Variants in ME2 observed in about 807,000 individuals in gnomAD.
ME2 encodes NAD-dependent malic enzyme, mitochondrial.
Under a neutral mutation model 73.7 loss-of-function variants are expected in ME2, and 60 were observed. That is an observed-to-expected ratio of 0.81 (90% CI 0.66 to 1.01). The LOEUF is 1.01. Ranked by LOEUF, ME2 falls within the 50% of genes least tolerant of loss-of-function variation. The probability of loss-of-function intolerance (pLI) is 0.00; values close to 1 mark genes in which losing one functional copy is unlikely to be tolerated. For missense variants in ME2, 594 were observed against 705.5 expected (o/e 0.84, Z 1.79); for synonymous variants, 199 against 236.9 (o/e 0.84, Z 1.47).
chr18:50,936,930 C>CA (rs1258281207), intron 13 of ME2, among the ~76,000 whole-genome samples: 5 of 150,154 alleles, frequency 3.3e-5, no homozygotes, highest in Non-Finnish European at 5.9e-5. Context: ...GACCCTGTCT[C>CA]AAAAAAAAAT....
At chr18:50,900,361 C>T (rs949919227) in intron 2 of ME2, among the ~76,000 whole-genome samples, 1 of 151,718 alleles carries the variant, frequency 6.6e-6, no homozygotes. Flanking sequence ...GTGGCGTGAT[C>T]TCGGCTCACT....
intron 2 of ME2, among the ~76,000 whole-genome samples, chr18:50,904,898 G>A (rs1301191195): frequency 6.6e-6 from 1 of 151,842 alleles, no homozygotes; most frequent in East Asian, 1.9e-4. Context: ...ATTATCTCTT[G>A]AAATATTATT....
rs1417780201 is a variant in ME2, at chr18:50,953,701, T to C, written c.*6517T>C. The C allele has an allele frequency of 2.0e-5, 3 of 152,202 alleles. No individual in the cohort carries two copies. Among genetic ancestry groups the C allele is most frequent in the Non-Finnish European group, 4.4e-5 (3 of 68,034 alleles). 9.4% of individuals were successfully genotyped at this position (152,202 alleles called of 1,614,324 possible). Reference sequence around the variant, plus strand: ...ATCCACCTGTCAATTTGCAATTCAATTATAAGGTATATTTTAAGTGATATC... The same window carrying C: ...ATCCACCTGTCAATTTGCAATTCAACTATAAGGTATATTTTAAGTGATATC... On this transcript the variant is annotated 3_prime_UTR_variant, in exon 16 of 16. Transcript: ENST00000321341.
chr18:50,931,825 C>A (rs1038368980), intron 12 of ME2, among the ~76,000 whole-genome samples: 2 of 151,990 alleles, frequency 1.3e-5, no homozygotes, highest in African/African-American at 4.8e-5. Context: ...CAGGCATGGG[C>A]CAACACACCC....
chr18:50,912,935 T>A lies in ME2; in HGVS notation c.377T>A (p.Ile126Asn). ...CTTGCCTGCTCCCAGTATGGACACA[T>A]CTTTAGAAGACCTAAGTAAGGCTTG... ...VGLACSQYGH[I>N]FRRPKGLFIS... The change falls in exon 4 of 16, where the codon ATC becomes AAC. Residue 126 changes from isoleucine (I) to asparagine (N), a missense_variant. Coordinates refer to ENST00000321341, the MANE Select transcript of ME2 (RefSeq NM_002396.5). The A allele has an allele frequency of 6.3e-7, 1 of 1,599,226 alleles. No homozygotes were observed. Among genetic ancestry groups the A allele is most frequent in the Non-Finnish European group, 8.5e-7 (1 of 1,176,126 alleles).
chr18:50,938,846 T>C (rs1323618720), intron 13 of ME2, among the ~76,000 whole-genome samples: 1 of 152,020 alleles, frequency 6.6e-6, no homozygotes, highest in African/African-American at 2.4e-5. Context: ...ATGTAGACAA[T>C]TGAGTGAGAG....
intron 1 of ME2, among the ~76,000 whole-genome samples, chr18:50,884,719 G>A (rs1014727005): frequency 6.6e-6 from 1 of 152,158 alleles, no homozygotes; most frequent in African/African-American, 2.4e-5. Context: ...TCAGCAACCT[G>A]ATCTTAACTA....
Position 50,923,971 on chromosome 18 carries a change from G to A in ME2, c.1057-127G>A, listed in dbSNP as rs1219048582. On this transcript the variant is annotated intron_variant, in intron 10 of 15. Transcript: ENST00000321341. ...AGAGTTGGAAGGTATGGGTTGAAGA[G>A]GAAAGTAAATGAAAATGAAAAGACA... 4.9e-6 allele frequency: 3 copies of A among 607,400 alleles called. No homozygotes were observed. The African/African-American group carries it at 5.6e-5, about 11-fold the overall frequency. 37.6% of individuals were successfully genotyped at this position (607,400 alleles called of 1,614,324 possible).
At chr18:50,936,748 A>G (rs1234147202) in intron 13 of ME2, among the ~76,000 whole-genome samples, 1 of 152,098 alleles carries the variant, frequency 6.6e-6, no homozygotes, top group Non-Finnish European at 1.5e-5. Context: ...CAACATAGGG[A>G]GACTCTGTCT....
Position 50,950,795 on chromosome 18 carries a change from G to A in ME2, c.*3611G>A, listed in dbSNP as rs1918208507. The A allele has an allele frequency of 6.6e-6, 1 of 152,278 alleles. No homozygotes were observed. Among genetic ancestry groups the A allele is most frequent in the Non-Finnish European group, 1.5e-5 (1 of 68,202 alleles). 9.4% of individuals were successfully genotyped at this position (152,278 alleles called of 1,614,324 possible). The stretch of plus-strand genomic sequence containing the variant: ...TGAGCCACTGCACCCAGCCAAGAAT[G>A]TCCACTTCTGACAAGCTCCCAGGTG... On this transcript the variant is annotated 3_prime_UTR_variant, in exon 16 of 16. Transcript: ENST00000321341.
intron 3 of ME2, 75 bp from the exon 4 acceptor site, chr18:50,912,726 G>T (rs1365026766): frequency 2.5e-6 from 3 of 1,217,904 alleles, no homozygotes; most frequent in African/African-American, 1.5e-5. Context: ...AGACATTTAG[G>T]TTTAACTTTC....
In ME2 at chr18:50,900,975, CAAT is replaced by C. The variant is rs61163958; in HGVS notation, c.108+5048_108+5050del. ...ATAGCAGCATGAGAATGGGCTAATACAATGAGTATATTTTATTTCAAATTTATG... is the reference window on the plus strand; with the variant it reads ...ATAGCAGCATGAGAATGGGCTAATACGAGTATATTTTATTTCAAATTTATG... On this transcript the variant is annotated intron_variant, in intron 2 of 15. Transcript: ENST00000321341. Among the ~76,000 whole-genome samples the C allele has an allele frequency of 4.0e-3, 608 of 152,296 alleles. 10 individuals carry two copies. In the East Asian group the frequency reaches 0.064, roughly 16 times the overall value.
chr18:50,889,749 T>C (rs995499495), intron 1 of ME2, among the ~76,000 whole-genome samples: 6 of 152,216 alleles, frequency 3.9e-5, no homozygotes, highest in Non-Finnish European at 5.9e-5. Context: ...TTGGAACACA[T>C]ATTAACCTGT....
rs1227083163 is a variant in ME2 at position 50,947,009 on chromosome 18, T to C, written c.1588-8T>C. ...AGAGCCTACACAATAACCTTACTTA[T>C]TTTTCAGGTTACAGAATACCTATAT... On this transcript the variant is annotated splice_polypyrimidine_tract_variant and splice_region_variant and intron_variant, in intron 15 of 15. Coordinates refer to ENST00000321341, the MANE Select transcript of ME2 (RefSeq NM_002396.5). The C allele has an allele frequency of 6.8e-6, 11 of 1,607,178 alleles. No individual in the cohort carries two copies. The highest frequency in any genetic ancestry group is 3.3e-5 in the Admixed American group (2 of 59,798).
intron 2 of ME2, among the ~76,000 whole-genome samples, chr18:50,897,283 A>C (rs1168004132): frequency 6.6e-6 from 1 of 152,228 alleles, no homozygotes; most frequent in African/African-American, 2.4e-5. Flanking sequence ...TGATAAATAT[A>C]TTGGTTTTAT....
intron 7 of ME2, among the ~76,000 whole-genome samples, chr18:50,918,662 A>G (rs1917345993): frequency 6.6e-6 from 1 of 151,208 alleles, no homozygotes; most frequent in Non-Finnish European, 1.5e-5. Context: ...CTTGACTGCT[A>G]AACAGCTTCC....
intron 1 of ME2, among the ~76,000 whole-genome samples, chr18:50,886,839 A>G (rs938142076): frequency 2.0e-5 from 3 of 152,094 alleles, no homozygotes; most frequent in Non-Finnish European, 4.4e-5. Context: ...CGTCTCTACC[A>G]AAAATACAAA....
intron 2 of ME2, among the ~76,000 whole-genome samples, chr18:50,899,184 A>T (rs564734585): frequency 7.9e-5 from 12 of 152,330 alleles, no homozygotes; most frequent in African/African-American, 2.9e-4. Context: ...TGAGAATCTA[A>T]TGCCTGATGA....
intron 2 of ME2, among the ~76,000 whole-genome samples, chr18:50,900,772 A>G (rs989987717): frequency 6.6e-6 from 1 of 151,964 alleles, no homozygotes; most frequent in Non-Finnish European, 1.5e-5. Flanking sequence ...TTCTCACAAG[A>G]TCTGGTGGCT....
Sources: allele counts gnomAD v4.1 joint callset (sites outside exome capture counted in the v4.1 genomes callset), GRCh38; gene constraint gnomAD v4.1.1; transcripts MANE v1.5; gene names NCBI Gene and HGNC (gene_info 2026-07-23, HGNC 2026-07-21).